Variants in RADIL observed in about 807,000 individuals in gnomAD.
The protein encoded by RADIL is Rap associating with DIL domain.
In RADIL, 99 loss-of-function variants were observed where a neutral mutation model predicts 97.6. That is an observed-to-expected ratio of 1.01 (90% confidence interval 0.86 to 1.20). The LOEUF is 1.20. RADIL is among the 50% of genes most tolerant of loss of function. The pLI is 0.00. For synonymous variants in RADIL, 803 were observed against 691.8 expected (o/e 1.16, Z -2.52); for missense variants, 1,765 against 1,498.9 (o/e 1.18, Z -2.93).
chr7:4,861,494 A>C (rs1783994503), intron 2 of RADIL: 1 of 1,614,090 alleles, frequency 6.2e-7, no homozygotes, highest in Non-Finnish European at 8.5e-7. Context: ...ATGTACTCCT[A>C]ATCTGTAAGA....
chr7:4,858,278 A>C (rs1399982918), intron 2 of RADIL: 1 of 152,184 alleles, frequency 6.6e-6, no homozygotes, highest in Non-Finnish European at 1.5e-5. Context: ...TAGAGGAGGG[A>C]CGGGAGGGGT....
chr7:4,876,322 C>T (rs1784375378), intron 2 of RADIL, among the ~76,000 whole-genome samples: 1 of 151,734 alleles, frequency 6.6e-6, no homozygotes, highest in African/African-American at 2.4e-5. Flanking sequence ...ATATTTGAGA[C>T]TGAGTTTCGT....
chr7:4,817,442 G>A lies in RADIL; in HGVS notation c.1616-91C>T, dbSNP rs546623632. On this transcript the variant is annotated intron_variant, in intron 6 of 14. Coordinates refer to ENST00000399583, the MANE Select transcript of RADIL (RefSeq NM_018059.5). This position sits in a 1 kb window ranked among gnomAD's most constrained non-coding sequence, Gnocchi z 8.3. The stretch of plus-strand genomic sequence containing the variant: ...CAGCCGCCAGCTCTTTCCCTGGCGC[G>A]GGCACCACCCAACGCGCCCATCTGG... 1.9e-4 allele frequency: 226 copies of A among 1,165,382 alleles called. 5 individuals are homozygous for A. In the South Asian group the frequency reaches 3.2e-3, roughly 16 times the overall value. 72.2% of individuals were successfully genotyped at this position (1,165,382 alleles called of 1,614,324 possible). A position where few individuals can be genotyped will look rare whatever the true frequency, so the allele number is the denominator to read the frequency against.
chr7:4,875,251 CGTG>C lies in RADIL; in HGVS notation c.535+2351_535+2353del, dbSNP rs200093839. The stretch of plus-strand genomic sequence containing the variant: ...AACAACAACAACAAAATTAGCCGGG[CGTG>C]GTGGTGGTGCATGCCGTAATCCCAG... On this transcript the variant is annotated intron_variant, in intron 2 of 14. Coordinates refer to ENST00000399583, the MANE Select transcript of RADIL (RefSeq NM_018059.5). Among the ~76,000 whole-genome samples the C allele has an allele frequency of 8.4e-3, 1,022 of 122,368 alleles. 131 individuals carry two copies. The highest frequency in any genetic ancestry group is 0.049 in the African/African-American group (862 of 17,760). The allele number at this position is 122,368 out of a possible 152,430, so 80.3% of individuals were successfully genotyped here. A position where few individuals can be genotyped will look rare whatever the true frequency, so the allele number is the denominator to read the frequency against.
At chr7:4,807,571 TTCTC>T (rs1329551400) in intron 9 of RADIL, among the ~76,000 whole-genome samples, 4 of 59,212 alleles carry the variant, frequency 6.8e-5, no homozygotes, top group South Asian at 9.0e-4. Flanking sequence ...CTCCCTCTCC[TTCTC>T]TCTCTCCCTG....
rs758052894 is a variant in RADIL at position 4,877,775 on chromosome 7, G to A, written c.365C>T (p.Ala122Val). 3.7e-6 allele frequency: 6 copies of A among 1,612,754 alleles called. No homozygotes were observed. Among genetic ancestry groups the A allele is most frequent in the East Asian group, 2.2e-5 (1 of 44,878 alleles). ...LCDVVGQAGD[A>V]GQRWQARCFR... Reference sequence around the variant, plus strand: ...GCACCGGGCCTGCCACCGCTGCCCAGCATCGCCGGCTTGGCCCACCACGTC... The same window carrying A: ...GCACCGGGCCTGCCACCGCTGCCCAACATCGCCGGCTTGGCCCACCACGTC... The change falls in exon 2 of 15, where the codon GCT (alanine) becomes GTT (valine). Residue 122 changes from alanine (A) to valine (V), a missense_variant. Ala to Val is a moderately conservative substitution (Grantham distance 64). Coordinates refer to ENST00000399583, the MANE Select transcript of RADIL (RefSeq NM_018059.5).
In RADIL at chr7:4,879,540, G is replaced by A. The variant is rs1372493784; in HGVS notation, c.-64-1337C>T. 6.6e-6 allele frequency among the ~76,000 whole-genome samples: 1 copy of A among 152,114 alleles called. No individual in the cohort carries two copies. The highest frequency in any genetic ancestry group is 1.5e-5 in the Non-Finnish European group (1 of 68,016). On this transcript the variant is annotated intron_variant, in intron 1 of 14. Transcript: ENST00000399583. The surrounding 1 kb of genome is among the most constrained non-coding windows in gnomAD (Gnocchi z 4.1). ...TTTCTGGAAAGCTCTGGAAAGAGTG[G>A]TCCAGGTCCCAGTGAACACAGCACG...
At chr7:4,869,749 C>G (rs1784211214) in intron 2 of RADIL, among the ~76,000 whole-genome samples, 1 of 152,150 alleles carries the variant, frequency 6.6e-6, no homozygotes, top group Non-Finnish European at 1.5e-5. Context: ...TAAGGTATGT[C>G]TCAAGACTAA....
In RADIL at chr7:4,801,783, C is replaced by T. The variant is rs373193583; in HGVS notation, c.2712G>A (p.Thr904=). The T allele has an allele frequency of 4.2e-5, 67 of 1,610,018 alleles. No individual in the cohort carries two copies. Among genetic ancestry groups the T allele is most frequent in the Non-Finnish European group, 4.8e-5 (57 of 1,178,984 alleles). The change falls in exon 12 of 15, where the codon ACG becomes ACA. Residue 904 remains threonine, a synonymous_variant. Coordinates refer to ENST00000399583, the MANE Select transcript of RADIL (RefSeq NM_018059.5). ...PPHTDSSCLL[T]PPSTPLGPEP... is the part of the protein sequence containing the mutation. Reference sequence around the variant, plus strand: ...CAGGGCCAAGTGGAGTGCTGGGAGGCGTGAGCAAGCAGGACGAGTCCGTGT... The same window carrying T: ...CAGGGCCAAGTGGAGTGCTGGGAGGTGTGAGCAAGCAGGACGAGTCCGTGT...
chr7:4,840,608 C>T lies in RADIL; in HGVS notation c.536-4003G>A, dbSNP rs574867461. On this transcript the variant is annotated intron_variant, in intron 2 of 14. Transcript: ENST00000399583. The surrounding 1 kb of genome is among the most constrained non-coding windows in gnomAD (Gnocchi z 5.6). ...CCAAGAACAGGGTCACCCCAGGGGC[C>T]CTTATGCTACCAATGGGAGATTCCG... Among the ~76,000 whole-genome samples, 2 of 152,194 alleles carry T rather than the reference C, an allele frequency of 1.3e-5. No homozygotes were observed. The highest frequency in any genetic ancestry group is 2.9e-5 in the Non-Finnish European group (2 of 68,004).
chr7:4,874,820 G>T (rs1470281293), intron 2 of RADIL, among the ~76,000 whole-genome samples: 1 of 152,214 alleles, frequency 6.6e-6, no homozygotes, highest in Admixed American at 6.5e-5. Flanking sequence ...CACTTTAGGA[G>T]GCCAAGGTGG....
chr7:4,834,165 C>G lies in RADIL; in HGVS notation c.1416+442G>C, dbSNP rs1783226695. 6.6e-6 allele frequency among the ~76,000 whole-genome samples: 1 copy of G among 152,138 alleles called. No individual in the cohort carries two copies. Among genetic ancestry groups the G allele is most frequent in the South Asian group, 2.1e-4 (1 of 4,826 alleles). Reference sequence around the variant, plus strand: ...TCCAGCGGGTATGTGCTCAACCGGCCCCTGGCAGCAAGCACAGGGCGCCGG... The same window carrying G: ...TCCAGCGGGTATGTGCTCAACCGGCGCCTGGCAGCAAGCACAGGGCGCCGG... On this transcript the variant is annotated intron_variant, in intron 4 of 14. Transcript: ENST00000399583. This position sits in a 1 kb window ranked among gnomAD's most constrained non-coding sequence, Gnocchi z 6.0.
chr7:4,801,854 G>C lies in RADIL; in HGVS notation c.2641C>G (p.Pro881Ala), dbSNP rs1278629443. 35 of 1,596,912 alleles carry C rather than the reference G, an allele frequency of 2.2e-5. No homozygotes were observed. Among genetic ancestry groups the C allele is most frequent in the Non-Finnish European group, 3.0e-5 (35 of 1,172,458 alleles). ...LRGAPWAQAPPGRQPSRGGSQ... is the reference protein window; with the variant it reads ...LRGAPWAQAPAGRQPSRGGSQ... ...CCCCCACGGCTGGGTTGCCTTCCAG[G>C]GGGGGCCTGTGCCCAGGGAGCCCCC... Residue 881 changes from proline to alanine, a missense_variant, in exon 12 of 15, where the codon CCT (proline) becomes GCT (alanine). Physicochemically the swap from Pro to Ala is conservative, Grantham distance 27. Transcript: ENST00000399583.
rs1334726202 is a variant in RADIL at position 4,815,840 on chromosome 7, C to T, written c.1966+388G>A. Among the ~76,000 whole-genome samples, 1 of 152,160 alleles carries T rather than the reference C, an allele frequency of 6.6e-6. No homozygotes were observed. The highest frequency in any genetic ancestry group is 1.5e-5 in the Non-Finnish European group (1 of 68,016). ...GAGCCCTGCAGGTGATGGGGGAAGT[C>T]ACTCCACAAGGCAGGGTCCAAGGCC... is the stretch of plus-strand genomic sequence containing the variant. On this transcript the variant is annotated intron_variant, in intron 8 of 14. Coordinates refer to ENST00000399583, the MANE Select transcript of RADIL (RefSeq NM_018059.5). The surrounding 1 kb of genome is among the most constrained non-coding windows in gnomAD (Gnocchi z 8.0).
chr7:4,846,058 G>T (rs1241936442), intron 2 of RADIL, among the ~76,000 whole-genome samples: 2 of 152,108 alleles, frequency 1.3e-5, no homozygotes, highest in African/African-American at 4.8e-5. Flanking sequence ...CAGCCCTATG[G>T]AGGGCGCTGT....
At position 4,879,707 on chromosome 7, in the gene RADIL, CA is replaced by C. The variant is rs1055774116; in HGVS notation, c.-64-1505del. 2.6e-5 allele frequency among the ~76,000 whole-genome samples: 4 copies of C among 152,194 alleles called. No homozygotes were observed. Among genetic ancestry groups the C allele is most frequent in the African/African-American group, 9.6e-5 (4 of 41,454 alleles). On this transcript the variant is annotated intron_variant, in intron 1 of 14. Transcript: ENST00000399583. This position sits in a 1 kb window ranked among gnomAD's most constrained non-coding sequence, Gnocchi z 4.1. Reference sequence around the variant, plus strand: ...GGTGGCTGCCTAGGGCCACAGAAAGCAACCAGGGAACCCCTCCAAAGAAAAG... The same window carrying C: ...GGTGGCTGCCTAGGGCCACAGAAAGCACCAGGGAACCCCTCCAAAGAAAAG...
chr7:4,860,077 T>C (rs372781458), intron 2 of RADIL: 2 of 1,613,942 alleles, frequency 1.2e-6, no homozygotes, highest in African/African-American at 1.3e-5. Flanking sequence ...TATTCACCTG[T>C]TGCAAGGAAA....
Position 4,797,185 on chromosome 7 carries a change from C to G in RADIL, c.*2193G>C, listed in dbSNP as rs571886618. On this transcript the variant is annotated 3_prime_UTR_variant, in exon 15 of 15. Transcript: ENST00000399583. ...CAAGACCAGAACAGCCAGTGGCAGC[C>G]CTCACCAGTCCCGCACCTCAGCTAG... 1.3e-5 allele frequency: 2 copies of G among 152,382 alleles called. No homozygotes were observed. The highest frequency in any genetic ancestry group is 2.1e-4 in the South Asian group (1 of 4,820). The allele number at this position is 152,382 out of a possible 1,614,324, so 9.4% of individuals were successfully genotyped here.
intron 5 of RADIL, among the ~76,000 whole-genome samples, chr7:4,825,986 C>T (rs1782965636): frequency 1.3e-5 from 2 of 150,406 alleles, no homozygotes; most frequent in South Asian, 4.2e-4. Flanking sequence ...CTCACATCTG[C>T]AATCCCAGCA....
Sources: gnomAD v4.1 joint callset for allele counts (sites outside exome capture counted in the v4.1 genomes callset) on GRCh38, gnomAD v4.1.1 for gene constraint, Gnocchi (gnomAD v3.1) non-coding constraint, MANE v1.5 for transcripts, NCBI Gene and HGNC (gene_info 2026-07-23, HGNC 2026-07-21) for gene names.